The following SERGEF variants were observed in gnomAD, a reference collection of about 807,000 sequenced individuals.
The protein encoded by SERGEF is secretion-regulating guanine nucleotide exchange factor.
Under a neutral mutation model 50.0 loss-of-function variants are expected in SERGEF, and 51 were observed. That is an observed-to-expected ratio of 1.02 (90% CI 0.81 to 1.29). The LOEUF is 1.29. SERGEF is among the 50% of genes most tolerant of loss of function. SERGEF has a pLI of 0.00. For missense variants in SERGEF, 521 were observed against 557.0 expected, an observed-to-expected ratio of 0.94 and a Z score of 0.65; for synonymous variants, 205 against 212.4, an observed-to-expected ratio of 0.97 and a Z score of 0.30.
At chr11:18,011,596 C>T (rs1053946254) in intron 1 of SERGEF, among the ~76,000 whole-genome samples, 1 of 152,206 alleles carries the variant, frequency 6.6e-6, no homozygotes, top group African/African-American at 2.4e-5. Flanking sequence ...AACACACCCC[C>T]ACAGTTTCAG....
chr11:17,938,680 C>T (rs1056434945), intron 9 of SERGEF, among the ~76,000 whole-genome samples: 2 of 152,172 alleles, frequency 1.3e-5, no homozygotes, highest in Non-Finnish European at 2.9e-5. Context: ...GAAGTTCATA[C>T]TTGTAGTTAG....
intron 7 of SERGEF, among the ~76,000 whole-genome samples, chr11:17,990,600 T>G (rs1853692972): frequency 6.6e-6 from 1 of 152,220 alleles, no homozygotes; most frequent in Non-Finnish European, 1.5e-5. Context: ...AGTCAAACTG[T>G]CTTCCAGATG....
rs1851386144 is a variant in SERGEF at position 17,884,154 on chromosome 11, C to T, written c.1012-5910G>A. Among the ~76,000 whole-genome samples the T allele has an allele frequency of 1.3e-5, 2 of 152,194 alleles. No individual in the cohort carries two copies. The highest frequency in any genetic ancestry group is 1.3e-4 in the Admixed American group (2 of 15,286). On this transcript the variant is annotated intron_variant, in intron 9 of 10. Coordinates refer to ENST00000265965, the MANE Select transcript of SERGEF (RefSeq NM_012139.4). The surrounding 1 kb of genome is among the most constrained non-coding windows in gnomAD (Gnocchi z 4.6). ...ACAGCGAGGCCTGCTGATTGGTTCTCGCCGGGTGCCAATGAGCCCGGGCGC... is the reference window on the plus strand; with the variant it reads ...ACAGCGAGGCCTGCTGATTGGTTCTTGCCGGGTGCCAATGAGCCCGGGCGC...
intron 8 of SERGEF, among the ~76,000 whole-genome samples, chr11:17,962,536 T>A (rs541989074): frequency 6.6e-6 from 1 of 152,102 alleles, no homozygotes; most frequent in African/African-American, 2.4e-5. Flanking sequence ...CCAAAAAGTA[T>A]AGGTATGTGT....
intron 9 of SERGEF, among the ~76,000 whole-genome samples, chr11:17,882,039 C>T (rs952000751): frequency 2.6e-5 from 4 of 152,204 alleles, no homozygotes; most frequent in African/African-American, 9.6e-5. Flanking sequence ...TCTCTAAGAA[C>T]ATCACGCAAT....
intron 1 of SERGEF, among the ~76,000 whole-genome samples, chr11:18,008,897 A>G (rs184741179): frequency 2.0e-4 from 31 of 152,262 alleles, no homozygotes; most frequent in African/African-American, 7.0e-4. Context: ...GAAGCTGCTC[A>G]CAGACCCCTA....
At chr11:17,955,216 G>C (rs918942868) in intron 9 of SERGEF, among the ~76,000 whole-genome samples, 1 of 152,172 alleles carries the variant, frequency 6.6e-6, no homozygotes, top group African/African-American at 2.4e-5. Flanking sequence ...AGTGTCTTCA[G>C]AATTGACCAT....
intron 10 of SERGEF, among the ~76,000 whole-genome samples, chr11:17,858,768 C>T (rs1850870295): frequency 6.6e-6 from 1 of 151,944 alleles, no homozygotes. Flanking sequence ...TCCAGGACTA[C>T]TAGATAAAAC....
At chr11:17,998,546 GTA>G (rs55641780) in intron 5 of SERGEF, among the ~76,000 whole-genome samples, 16,181 of 138,898 alleles carry the variant, frequency 0.12, 1,256 homozygotes, top group Middle Eastern at 0.24. Flanking sequence ...GTGTGTGTGT[GTA>G]TGTGTATGTG....
chr11:17,800,917 C>T (rs561268012), intron 10 of SERGEF, among the ~76,000 whole-genome samples: 13 of 152,200 alleles, frequency 8.5e-5, no homozygotes, highest in African/African-American at 2.4e-4. Flanking sequence ...AGGGGAAGGC[C>T]GGGCACGGTG....
chr11:17,801,240 C>T (rs1431618935), intron 10 of SERGEF, among the ~76,000 whole-genome samples: 1 of 150,646 alleles, frequency 6.6e-6, no homozygotes, highest in Non-Finnish European at 1.5e-5. Flanking sequence ...GGAAGCAGGG[C>T]CTTGGGATGC....
intron 9 of SERGEF, among the ~76,000 whole-genome samples, chr11:17,935,657 C>T (rs772848060): frequency 1.7e-4 from 26 of 152,134 alleles, no homozygotes; most frequent in African/African-American, 5.8e-4. Flanking sequence ...TCTCTATGCC[C>T]AACACAAAAG....
At chr11:17,860,132 T>G (rs1850900837) in intron 10 of SERGEF, among the ~76,000 whole-genome samples, 1 of 152,078 alleles carries the variant, frequency 6.6e-6, no homozygotes, top group East Asian at 1.9e-4. Context: ...GCTGAAAGAG[T>G]TGACGTCTTT....
At chr11:17,839,149 T>C (rs749085969) in intron 10 of SERGEF, among the ~76,000 whole-genome samples, 8 of 152,162 alleles carry the variant, frequency 5.3e-5, no homozygotes, top group Non-Finnish European at 7.3e-5. Flanking sequence ...GTTGGAGTGG[T>C]TCAGGTATGC....
chr11:17,925,056 C>CT (rs761487645), intron 9 of SERGEF, among the ~76,000 whole-genome samples: 9 of 152,038 alleles, frequency 5.9e-5, no homozygotes, highest in African/African-American at 1.7e-4. Context: ...CAGGTGTACT[C>CT]TTTTTTTTCT....
At chr11:18,000,867 C>G in intron 4 of SERGEF, 1 of 524,994 alleles carries the variant, frequency 1.9e-6, no homozygotes, top group Non-Finnish European at 3.7e-6. Context: ...AAATGTTTTA[C>G]AGGCCACAGT....
At position 17,888,550 on chromosome 11, in the gene SERGEF, T is replaced by TG; in HGVS notation, c.1012-10307_1012-10306insC. 6.6e-6 allele frequency among the ~76,000 whole-genome samples: 1 copy of TG among 151,710 alleles called. No individual in the cohort carries two copies. The highest frequency in any genetic ancestry group is 1.5e-5 in the Non-Finnish European group (1 of 67,972). On this transcript the variant is annotated intron_variant, in intron 9 of 10. Transcript: ENST00000265965. This position sits in a 1 kb window ranked among gnomAD's most constrained non-coding sequence, Gnocchi z 4.1. ...TCACTGTAGTTGAAGGAAACACAAA[T>TG]ATAGAATGAGAGAAGGCAAAGAGAA...
At chr11:17,899,864 G>A (rs556425369) in intron 9 of SERGEF, among the ~76,000 whole-genome samples, 109 of 151,832 alleles carry the variant, frequency 7.2e-4, no homozygotes, top group Admixed American at 7.1e-3. Flanking sequence ...GCTGAGGTGG[G>A]AGGATGGCTT....
At chr11:17,937,459 C>G (rs1462380365) in intron 9 of SERGEF, among the ~76,000 whole-genome samples, 13 of 152,070 alleles carry the variant, frequency 8.5e-5, no homozygotes, top group Non-Finnish European at 1.9e-4. Flanking sequence ...ATTGCTTCAA[C>G]CCAGGAGGCA....
Sources: gnomAD v4.1 joint callset for allele counts (sites outside exome capture counted in the v4.1 genomes callset) on GRCh38, gnomAD v4.1.1 for gene constraint, Gnocchi (gnomAD v3.1) non-coding constraint, MANE v1.5 for transcripts, NCBI Gene and HGNC (gene_info 2026-07-23, HGNC 2026-07-21) for gene names.